Variants in COL28A1 observed in about 807,000 individuals in gnomAD.
COL28A1 encodes the protein collagen alpha-1(XXVIII) chain.
COL28A1 carries 161 observed loss-of-function variants against 150.2 expected under a neutral mutation model. The observed-to-expected ratio is 1.07, with a 90% CI of 0.94 to 1.22. The LOEUF is 1.22. Ranked by LOEUF, COL28A1 falls within the 50% of genes most tolerant of loss-of-function variation. The pLI is 0.00. For missense variants in COL28A1, 1,617 were observed against 1,388.3 expected, an observed-to-expected ratio of 1.16 and a Z score of -2.62; for synonymous variants, 552 against 469.7, an observed-to-expected ratio of 1.18 and a Z score of -2.26.
intron 27 of COL28A1, among the ~76,000 whole-genome samples, chr7:7,382,570 G>A (rs970784861): frequency 6.6e-6 from 1 of 152,058 alleles, no homozygotes; most frequent in Admixed American, 6.6e-5. Flanking sequence ...ACAATCACTA[G>A]CAAGTATACA....
chr7:7,476,996 A>C, intron 14 of COL28A1, 116 bp downstream of exon 14: 1 of 681,202 alleles, frequency 1.5e-6, no homozygotes, highest in Middle Eastern at 2.5e-4. Context: ...AAATGGAATA[A>C]AGATGGTCAG....
intron 34 of COL28A1, among the ~76,000 whole-genome samples, chr7:7,359,570 T>G (rs1049416532): frequency 1.3e-5 from 2 of 152,156 alleles, no homozygotes; most frequent in Non-Finnish European, 2.9e-5. Context: ...CTTCAGGAAG[T>G]GATGCCAAGG....
intron 25 of COL28A1, among the ~76,000 whole-genome samples, chr7:7,424,094 A>G (rs1334312941): frequency 1.3e-5 from 2 of 152,204 alleles, no homozygotes; most frequent in Non-Finnish European, 2.9e-5. Context: ...CGGGAAAATA[A>G]TGACTTATAG....
intron 27 of COL28A1, among the ~76,000 whole-genome samples, chr7:7,383,554 C>T (rs1782001437): frequency 6.6e-6 from 1 of 151,722 alleles, no homozygotes; most frequent in Admixed American, 6.6e-5. Context: ...GCTGGGATTA[C>T]AGGCATGAGC....
At chr7:7,449,546 T>A (rs1002090903) in intron 18 of COL28A1, among the ~76,000 whole-genome samples, 5 of 150,108 alleles carry the variant, frequency 3.3e-5, no homozygotes, top group Non-Finnish European at 3.0e-5. Context: ...AAAAAAAAAA[T>A]CAAAGAAGAG....
intron 2 of COL28A1, among the ~76,000 whole-genome samples, chr7:7,532,110 T>A (rs769684210): frequency 6.6e-6 from 1 of 152,176 alleles, no homozygotes; most frequent in African/African-American, 2.4e-5. Flanking sequence ...TGTAAAATCA[T>A]GCAAATTAAA....
rs576703824 is a variant in COL28A1 at position 7,449,017 on chromosome 7, G to A, written c.1509+3302C>T. ...GAAGGACAGATGGTAACTTCTGAGGGTTACAGAAATATTTATCATCTTGAT... is the reference window on the plus strand; with the variant it reads ...GAAGGACAGATGGTAACTTCTGAGGATTACAGAAATATTTATCATCTTGAT... On this transcript the variant is annotated intron_variant, in intron 18 of 34. Transcript: ENST00000399429. 2.2e-4 allele frequency among the ~76,000 whole-genome samples: 34 copies of A among 152,160 alleles called. 1 individual carries two copies. In the South Asian group the frequency reaches 6.6e-3, roughly 30 times the overall value.
At chr7:7,389,718 T>C (rs914728802) in intron 27 of COL28A1, among the ~76,000 whole-genome samples, 1 of 152,210 alleles carries the variant, frequency 6.6e-6, no homozygotes, top group Non-Finnish European at 1.5e-5. Context: ...TTTACATCCC[T>C]TGTAAGTTGT....
chr7:7,389,405 T>C (rs1373653331), intron 27 of COL28A1, among the ~76,000 whole-genome samples: 5 of 152,184 alleles, frequency 3.3e-5, no homozygotes, highest in East Asian at 1.9e-4. Context: ...TGTAGCCTCA[T>C]TGTATAGTTT....
intron 27 of COL28A1, among the ~76,000 whole-genome samples, chr7:7,413,715 T>C (rs189492600): frequency 5.2e-4 from 79 of 152,246 alleles, no homozygotes; most frequent in African/African-American, 1.8e-3. Flanking sequence ...AACACACACA[T>C]TGTACTGTTA....
chr7:7,509,748 A>C (rs541259561), intron 9 of COL28A1, among the ~76,000 whole-genome samples: 2 of 152,148 alleles, frequency 1.3e-5, no homozygotes, highest in East Asian at 3.9e-4. Context: ...TTTTAATTTC[A>C]TCTAGTTTTC....
chr7:7,434,451 G>C (rs927254467), intron 23 of COL28A1, among the ~76,000 whole-genome samples: 6 of 152,250 alleles, frequency 3.9e-5, no homozygotes, highest in African/African-American at 1.4e-4. Flanking sequence ...CACAAGGAGA[G>C]GGCCAACAAC....
intron 27 of COL28A1, among the ~76,000 whole-genome samples, chr7:7,382,232 C>G (rs1349289871): frequency 6.6e-6 from 1 of 151,934 alleles, no homozygotes; most frequent in Admixed American, 6.6e-5. Flanking sequence ...ATTGCTTGAA[C>G]CCAGGAGGCA....
At chr7:7,423,115 TGTA>T (rs1562603835) in intron 25 of COL28A1, among the ~76,000 whole-genome samples, 1 of 152,202 alleles carries the variant, frequency 6.6e-6, no homozygotes, top group Non-Finnish European at 1.5e-5. Context: ...ATAATAGTAT[TGTA>T]GTCAAGTTTT....
intron 27 of COL28A1, among the ~76,000 whole-genome samples, chr7:7,391,749 A>G (rs1347031397): frequency 7.1e-6 from 1 of 141,760 alleles, no homozygotes; most frequent in Non-Finnish European, 1.5e-5. Flanking sequence ...GTCTTTTTTG[A>G]TCTTTGTTGA....
At position 7,406,503 on chromosome 7, in the gene COL28A1, T is replaced by C. The variant is rs148871767; in HGVS notation, c.2136+11356A>G. On this transcript the variant is annotated intron_variant, in intron 27 of 34. Transcript: ENST00000399429. ...TTTCTTTTTACTTTGAGAAGGCAGA[T>C]AATCAACAAAGAAAGAAATATTTTC... Among the ~76,000 whole-genome samples, 5 of 152,278 alleles carry C rather than the reference T, an allele frequency of 3.3e-5. No homozygotes were observed. The East Asian group carries it at 9.6e-4, about 29-fold the overall frequency.
chr7:7,391,102 T>C (rs1402872968), intron 27 of COL28A1, among the ~76,000 whole-genome samples: 1 of 152,228 alleles, frequency 6.6e-6, no homozygotes, highest in Non-Finnish European at 1.5e-5. Flanking sequence ...CCACTTTCTC[T>C]TGTGGGCATT....
chr7:7,531,133 T>C (rs1285900983), intron 3 of COL28A1, among the ~76,000 whole-genome samples: 1 of 152,174 alleles, frequency 6.6e-6, no homozygotes, highest in African/African-American at 2.4e-5. Context: ...AAGTTAAAAA[T>C]GCAATTCCAG....
chr7:7,536,401 C>T (rs761618648), upstream of COL28A1, among the ~76,000 whole-genome samples: 70 of 150,758 alleles, frequency 4.6e-4, no homozygotes, highest in Non-Finnish European at 2.8e-4. Context: ...TTTATGGGGG[C>T]TTCAGTTCCC....
Sources: allele counts gnomAD v4.1 joint callset (sites outside exome capture counted in the v4.1 genomes callset), GRCh38; gene constraint gnomAD v4.1.1; transcripts MANE v1.5; gene names NCBI Gene and HGNC (gene_info 2026-07-23, HGNC 2026-07-21).